CDADC1: variants seen among roughly 807,000 people sequenced by gnomAD.
The protein encoded by CDADC1 is dCTP deaminase.
CDADC1 carries 39 observed loss-of-function variants against 54.9 expected under a neutral mutation model. The observed-to-expected ratio is 0.71, with a 90% CI of 0.55 to 0.93. The LOEUF (loss-of-function observed/expected upper bound fraction) is 0.93, where lower values mean the gene tolerates loss of function less well. CDADC1 is among the 40% of genes least tolerant of loss of function. The pLI is 0.00. For missense variants in CDADC1, 518 were observed against 618.8 expected (o/e 0.84, Z 1.73); for synonymous variants, 186 against 204.0 (o/e 0.91, Z 0.75).
At chr13:49,269,756 T>C (rs1952916520) in intron 5 of CDADC1, among the ~76,000 whole-genome samples, 1 of 152,252 alleles carries the variant, frequency 6.6e-6, no homozygotes, top group African/African-American at 2.4e-5. Context: ...TCTGCTATTT[T>C]ACTGGATCTT....
At position 49,267,947 on chromosome 13, in the gene CDADC1, C is replaced by T. The variant is rs778795376; in HGVS notation, c.888C>T (p.Phe296=). 8.1e-6 allele frequency: 13 copies of T among 1,613,966 alleles called. No homozygotes were observed. The highest frequency in any genetic ancestry group is 5.5e-5 in the South Asian group (5 of 91,086). The change falls in exon 5 of 10, where the codon TTC becomes TTT. Residue 296 remains phenylalanine (F), a synonymous_variant. Transcript: ENST00000251108. ...CCAGTGTGCCGAACTTTAAACACTT[C>T]GGATTTTACCGTAGCAATCCAGAAC... The part of the protein sequence containing the change: ...VASSVPNFKH[F]GFYRSNPEQI...
chr13:49,292,155 A>T lies in CDADC1; in HGVS notation c.*398A>T, dbSNP rs2138282162. 1 of 1,009,918 alleles carries T rather than the reference A, an allele frequency of 9.9e-7. No individual in the cohort carries two copies. The highest frequency in any genetic ancestry group is 1.0e-4 in the East Asian group (1 of 9,982). The allele number at this position is 1,009,918 out of a possible 1,614,324, so 62.6% of individuals were successfully genotyped here. A position where few individuals can be genotyped will look rare whatever the true frequency, so the allele number is the denominator to read the frequency against. ...AATTCTTTTGAATTACAAGAGTGAC[A>T]GTTAGTAAACTGCTCCAGGGAAATA... On this transcript the variant is annotated 3_prime_UTR_variant, in exon 10 of 10. Transcript: ENST00000251108.
At chr13:49,262,591 C>G (rs1266073569) in intron 4 of CDADC1, among the ~76,000 whole-genome samples, 5 of 152,048 alleles carry the variant, frequency 3.3e-5, no homozygotes, top group Admixed American at 3.3e-4. Flanking sequence ...AGTGCAGTGG[C>G]ACAATTTCAG....
chr13:49,254,830 G>T (rs1952508242), intron 2 of CDADC1, among the ~76,000 whole-genome samples: 1 of 152,058 alleles, frequency 6.6e-6, no homozygotes, highest in Non-Finnish European at 1.5e-5. Flanking sequence ...CAACTAGGCT[G>T]TCATGTAGCA....
chr13:49,263,940 A>T (rs912199528), intron 4 of CDADC1, among the ~76,000 whole-genome samples: 5 of 152,240 alleles, frequency 3.3e-5, no homozygotes, highest in African/African-American at 1.2e-4. Flanking sequence ...AAGTTGTGGG[A>T]GTGATTAACT....
chr13:49,263,738 T>C (rs532171977), intron 4 of CDADC1, among the ~76,000 whole-genome samples: 2 of 151,836 alleles, frequency 1.3e-5, no homozygotes, highest in East Asian at 3.9e-4. Context: ...AGTTGTCTTC[T>C]ATTAAGCCAA....
At chr13:49,273,503 G>T (rs897719749) in intron 5 of CDADC1, among the ~76,000 whole-genome samples, 1 of 152,114 alleles carries the variant, frequency 6.6e-6, no homozygotes, top group Non-Finnish European at 1.5e-5. Context: ...TTTCTATTTT[G>T]TTTTTTAATT....
chr13:49,259,256 C>G (rs1952614705), intron 3 of CDADC1, 90 bp from the exon 4 acceptor site: 1 of 924,788 alleles, frequency 1.1e-6, no homozygotes, highest in Non-Finnish European at 1.6e-6. Context: ...TTAAACAAAA[C>G]TTCCATTTTT....
intron 6 of CDADC1, 22 bp from the exon 7 acceptor site, chr13:49,278,328 A>AT: frequency 6.7e-7 from 1 of 1,482,564 alleles, no homozygotes. Context: ...GAAACTAACC[A>AT]TTGGTTTGCT....
chr13:49,283,829 C>G (rs1257717859), intron 8 of CDADC1, among the ~76,000 whole-genome samples: 7 of 152,136 alleles, frequency 4.6e-5, no homozygotes, highest in Admixed American at 4.6e-4. Context: ...ATGAGCTGTC[C>G]ATCTTCTCAT....
intron 2 of CDADC1, among the ~76,000 whole-genome samples, chr13:49,252,434 G>A (rs897076628): frequency 2.6e-5 from 4 of 152,134 alleles, no homozygotes; most frequent in Non-Finnish European, 4.4e-5. Flanking sequence ...TTTAAATTCC[G>A]AAAAGGGAGA....
intron 5 of CDADC1, among the ~76,000 whole-genome samples, chr13:49,270,833 A>G (rs1341668664): frequency 6.6e-6 from 1 of 152,196 alleles, no homozygotes; most frequent in Non-Finnish European, 1.5e-5. Flanking sequence ...GAGCTTGGTG[A>G]TTTATATATG....
At chr13:49,258,596 G>C (rs1952602600) in intron 3 of CDADC1, among the ~76,000 whole-genome samples, 1 of 152,176 alleles carries the variant, frequency 6.6e-6, no homozygotes, top group South Asian at 2.1e-4. Flanking sequence ...AGTCTGCAGG[G>C]CTTAATTCAG....
intron 5 of CDADC1, among the ~76,000 whole-genome samples, chr13:49,272,452 T>C (rs1952992431): frequency 6.6e-6 from 1 of 152,152 alleles, no homozygotes; most frequent in Admixed American, 6.5e-5. Context: ...TCGTGCACTC[T>C]GCTGTTCAGC....
At chr13:49,252,059 C>T (rs2138191818) in intron 2 of CDADC1, among the ~76,000 whole-genome samples, 1 of 152,322 alleles carries the variant, frequency 6.6e-6, no homozygotes, top group Middle Eastern at 3.4e-3. Flanking sequence ...GTACAGAAGG[C>T]ATCAAAACAA....
At position 49,280,536 on chromosome 13, in the gene CDADC1, A is replaced by T; in HGVS notation, c.1248A>T (p.Arg416Ser). The T allele has an allele frequency of 6.9e-7, 1 of 1,454,722 alleles. No individual in the cohort carries two copies. Among genetic ancestry groups the T allele is most frequent in the Non-Finnish European group, 9.1e-7 (1 of 1,097,854 alleles). 90.1% of individuals were successfully genotyped at this position (1,454,722 alleles called of 1,614,324 possible). The part of the protein sequence containing the change: ...FRCQEIKPEE[R>S]SMIFVTKCPC... ...GTCAAGAAATAAAACCAGAAGAAAG[A>T]AGCATGATTTTTGTGACAAAGTGCC... The change falls in exon 8 of 10, where the codon AGA (arginine) becomes AGT (serine). Residue 416 changes from arginine to serine, a missense_variant. Coordinates refer to ENST00000251108, the MANE Select transcript of CDADC1 (RefSeq NM_030911.4).
chr13:49,259,199 G>T (rs1952613236), intron 3 of CDADC1, 147 bp from the exon 4 acceptor site: 3 of 590,956 alleles, frequency 5.1e-6, no homozygotes. Flanking sequence ...AAGCTTTTTG[G>T]ATCTAATGAG....
At chr13:49,264,356 A>G (rs1385331809) in intron 4 of CDADC1, among the ~76,000 whole-genome samples, 1 of 152,114 alleles carries the variant, frequency 6.6e-6, no homozygotes, top group East Asian at 1.9e-4. Context: ...TAACTCTATA[A>G]ACACATGTAA....
intron 9 of CDADC1, among the ~76,000 whole-genome samples, chr13:49,289,516 T>C (rs1953638479): frequency 6.6e-6 from 1 of 152,200 alleles, no homozygotes; most frequent in African/African-American, 2.4e-5. Context: ...GTTGCTATAT[T>C]GTTTTTAAAA....
Sources: allele counts gnomAD v4.1 joint callset (sites outside exome capture counted in the v4.1 genomes callset), GRCh38; gene constraint gnomAD v4.1.1; transcripts MANE v1.5; gene names NCBI Gene and HGNC (gene_info 2026-07-23, HGNC 2026-07-21).